Variants in OCA2 observed in about 807,000 individuals in gnomAD.
OCA2 encodes OCA2 melanosomal transmembrane protein, also known as P protein.
OCA2 carries 77 observed loss-of-function variants against 100.2 expected under a neutral mutation model. The ratio of observed to expected loss-of-function variants is 0.77; its 90% CI spans 0.64 to 0.93. The LOEUF is 0.93. Among genes scored for constraint, OCA2 ranks in the 40% least tolerant of loss-of-function variants. The probability of loss-of-function intolerance (pLI) is 0.00; values close to 1 mark genes in which losing one functional copy is unlikely to be tolerated. For missense variants in OCA2, 1,062 were observed against 1,089.1 expected (o/e 0.98, Z 0.35); for synonymous variants, 432 against 439.2 (o/e 0.98, Z 0.21).
intron 1 of OCA2, among the ~76,000 whole-genome samples, chr15:28,082,472 C>G (rs1016494798): frequency 1.3e-5 from 2 of 152,168 alleles, no homozygotes; most frequent in African/African-American, 4.8e-5. Context: ...CAGAAGGAAC[C>G]AACTCCGGAC....
chr15:27,720,463 A>G, the OCA2 span, among the ~76,000 whole-genome samples: 1 of 150,232 alleles, frequency 6.7e-6, no homozygotes, highest in African/African-American at 2.4e-5. Flanking sequence ...GTTTATATAT[A>G]TATGCATTTT....
intron 2 of OCA2, among the ~76,000 whole-genome samples, chr15:28,070,814 A>G (rs1383040797): frequency 6.9e-6 from 1 of 144,624 alleles, no homozygotes; most frequent in East Asian, 2.1e-4. Context: ...TTTGTTCTGC[A>G]CTAAGAAAAA....
At chr15:27,872,816 A>T (rs1056629171) in intron 19 of OCA2, among the ~76,000 whole-genome samples, 1 of 151,722 alleles carries the variant, frequency 6.6e-6, no homozygotes, top group Non-Finnish European at 1.5e-5. Context: ...CAGCCTCCCA[A>T]GTAGCTGGGA....
At chr15:27,900,198 C>T (rs1428302775) in intron 19 of OCA2, among the ~76,000 whole-genome samples, 2 of 152,116 alleles carry the variant, frequency 1.3e-5, no homozygotes. Flanking sequence ...TTGACTTTAC[C>T]TGCCCTCATT....
At chr15:27,951,403 G>T (rs1009405926) in intron 18 of OCA2, among the ~76,000 whole-genome samples, 2 of 152,228 alleles carry the variant, frequency 1.3e-5, no homozygotes, top group Non-Finnish European at 2.9e-5. Context: ...CATGGTAGGC[G>T]GCACAGATGG....
At chr15:27,776,216 C>T (rs2032202022) in intron 23 of OCA2, among the ~76,000 whole-genome samples, 1 of 152,244 alleles carries the variant, frequency 6.6e-6, no homozygotes, top group Non-Finnish European at 1.5e-5. Context: ...GCTGTGTGCA[C>T]ATGCAGATAT....
At chr15:27,735,698 A>C in the OCA2 span, among the ~76,000 whole-genome samples, 1 of 152,188 alleles carries the variant, frequency 6.6e-6, no homozygotes, top group East Asian at 1.9e-4. Flanking sequence ...CCAAGACAGT[A>C]AGATGCTATA....
chr15:27,768,445 A>G (rs2031455699), intron 23 of OCA2, among the ~76,000 whole-genome samples: 1 of 152,140 alleles, frequency 6.6e-6, no homozygotes, highest in Non-Finnish European at 1.5e-5. Flanking sequence ...CGCCTCACCT[A>G]TTATCTTCTC....
chr15:27,831,593 G>T (rs2034960010), intron 23 of OCA2, among the ~76,000 whole-genome samples: 1 of 152,248 alleles, frequency 6.6e-6, no homozygotes, highest in Non-Finnish European at 1.5e-5. Flanking sequence ...GTCAAGGCCT[G>T]TTCTGCCAGC....
intron 19 of OCA2, among the ~76,000 whole-genome samples, chr15:27,892,550 C>T (rs2037507682): frequency 6.6e-6 from 1 of 151,804 alleles, no homozygotes. Context: ...ATATAGGGTG[C>T]AACCGAAATA....
At position 27,913,909 on chromosome 15, in the gene OCA2, AAGCAAGCAAGCAAGC is replaced by A. The variant is rs1327077989; in HGVS notation, c.2079+12203_2079+12217del. On this transcript the variant is annotated intron_variant, in intron 19 of 23. Transcript: ENST00000354638. Reference sequence around the variant, plus strand: ...AAAGAAAGAAAGCAAGCAAGCAAGCAAGCAAGCAAGCAAGCAAGCAAGAAAGAAAGAAAAAAATTT... The same window carrying A: ...AAAGAAAGAAAGCAAGCAAGCAAGCAAAGCAAGAAAGAAAGAAAAAAATTT... Among the ~76,000 whole-genome samples, 29 of 48,044 alleles carry A rather than the reference AAGCAAGCAAGCAAGC, an allele frequency of 6.0e-4. 2 individuals are homozygous for A. Among genetic ancestry groups the A allele is most frequent in the African/African-American group, 2.8e-3 (29 of 10,252 alleles). The allele number at this position is 48,044 out of a possible 152,430, so 31.5% of individuals were successfully genotyped here.
chr15:27,887,458 G>A (rs755877585), intron 19 of OCA2, among the ~76,000 whole-genome samples: 1 of 151,496 alleles, frequency 6.6e-6, no homozygotes, highest in African/African-American at 2.4e-5. Context: ...GTAACCATGG[G>A]GGGCACCCCA....
At chr15:27,781,444 G>A (rs1161409468) in intron 23 of OCA2, among the ~76,000 whole-genome samples, 1 of 152,170 alleles carries the variant, frequency 6.6e-6, no homozygotes, top group Admixed American at 6.5e-5. Context: ...TGGACACTGC[G>A]GTTGTGGGGG....
intron 23 of OCA2, among the ~76,000 whole-genome samples, chr15:27,799,810 G>A (rs1371989344): frequency 2.0e-5 from 3 of 151,922 alleles, no homozygotes; most frequent in East Asian, 1.9e-4. Context: ...AGCCAGCCAC[G>A]TCCCTTCATC....
chr15:27,912,341 G>A (rs544765062), intron 19 of OCA2, among the ~76,000 whole-genome samples: 1 of 152,144 alleles, frequency 6.6e-6, no homozygotes, highest in South Asian at 2.1e-4. Flanking sequence ...TCTTTTGAGA[G>A]GCAGTTGATT....
At chr15:27,772,666 C>T (rs1321020796) in intron 23 of OCA2, among the ~76,000 whole-genome samples, 1 of 151,972 alleles carries the variant, frequency 6.6e-6, no homozygotes, top group African/African-American at 2.4e-5. Context: ...CACGGTGAAA[C>T]CCCATCTCTA....
intron 23 of OCA2, among the ~76,000 whole-genome samples, chr15:27,840,630 AGT>A (rs566332424): frequency 1.3e-5 from 2 of 152,338 alleles, no homozygotes; most frequent in East Asian, 3.9e-4. Flanking sequence ...TCAGCTGATG[AGT>A]GACAGCTGCA....
At chr15:28,006,369 G>A (rs185646679) in intron 9 of OCA2, among the ~76,000 whole-genome samples, 11 of 152,318 alleles carry the variant, frequency 7.2e-5, no homozygotes, top group Admixed American at 4.6e-4. Flanking sequence ...TCCAGGAGGC[G>A]AGGTTGGAAA....
At chr15:28,069,291 C>T (rs1022932532) in intron 2 of OCA2, among the ~76,000 whole-genome samples, 3 of 150,664 alleles carry the variant, frequency 2.0e-5, no homozygotes, top group African/African-American at 7.4e-5. Context: ...CAATAAAGTC[C>T]AAATGGGAGT....
Sources: allele counts gnomAD v4.1 joint callset (sites outside exome capture counted in the v4.1 genomes callset), GRCh38; gene constraint gnomAD v4.1.1; transcripts MANE v1.5; gene names NCBI Gene and HGNC (gene_info 2026-07-23, HGNC 2026-07-21).